Variants in VOPP1 observed in about 807,000 individuals in gnomAD.
VOPP1 encodes the protein VOPP1 WW domain binding protein.
A neutral mutation model predicts 23.5 loss-of-function variants in VOPP1; 8 were observed. The observed-to-expected ratio is 0.34, with a 90% CI of 0.20 to 0.61. The LOEUF is 0.61. Among genes scored for constraint, VOPP1 ranks in the 20% least tolerant of loss-of-function variants. VOPP1 has a pLI of 0.78. For synonymous variants in VOPP1, 83 were observed against 97.3 expected (o/e 0.85, Z 0.86); for missense variants, 174 against 238.1 (o/e 0.73, Z 1.77).
At chr7:55,540,303 C>G (rs908477649) in intron 1 of VOPP1, among the ~76,000 whole-genome samples, 3 of 151,850 alleles carry the variant, frequency 2.0e-5, no homozygotes, top group Admixed American at 6.6e-5. Context: ...GAGACTGAGG[C>G]AGGAGAATCA....
At chr7:55,538,344 G>A (rs1011121628) in intron 1 of VOPP1, among the ~76,000 whole-genome samples, 9 of 152,180 alleles carry the variant, frequency 5.9e-5, no homozygotes, top group Non-Finnish European at 1.5e-5. Flanking sequence ...AGTCCTTCCA[G>A]TCTGCAAAGC....
intron 1 of VOPP1, among the ~76,000 whole-genome samples, chr7:55,530,403 A>C (rs2129046290): frequency 6.6e-6 from 1 of 152,302 alleles, no homozygotes; most frequent in Middle Eastern, 3.4e-3. Context: ...CCATACATGG[A>C]ATGCCTGTGA....
At chr7:55,475,837 C>A (rs1261489800) in intron 4 of VOPP1, among the ~76,000 whole-genome samples, 1 of 152,236 alleles carries the variant, frequency 6.6e-6, no homozygotes, top group Non-Finnish European at 1.5e-5. Flanking sequence ...ATCAGGCCAG[C>A]CTGTGCCGTG....
chr7:55,560,030 G>T (rs577315879), intron 1 of VOPP1, among the ~76,000 whole-genome samples: 68 of 152,350 alleles, frequency 4.5e-4, no homozygotes, highest in African/African-American at 1.6e-3. Flanking sequence ...GCGCACGCCT[G>T]TAGTCCCCGC....
chr7:55,538,537 CCACAGTCCAACTGAGGAT>C (rs1796942869), intron 1 of VOPP1: 11 of 1,374,760 alleles, frequency 8.0e-6, no homozygotes, highest in Middle Eastern at 1.8e-4. Context: ...ACTGAGGATT[CCACAGTCCAACTGAGGAT>C]CACTGTAAAC....
At chr7:55,477,325 C>A (rs1238896443) in intron 4 of VOPP1, among the ~76,000 whole-genome samples, 2 of 152,222 alleles carry the variant, frequency 1.3e-5, no homozygotes, top group South Asian at 4.1e-4. Context: ...ATGTGGCAGA[C>A]GTTCCATAAA....
chr7:55,484,297 C>G (rs1321671951), intron 4 of VOPP1, among the ~76,000 whole-genome samples: 1 of 152,210 alleles, frequency 6.6e-6, no homozygotes, highest in Non-Finnish European at 1.5e-5. Flanking sequence ...CAGGAACTGT[C>G]AAACACATCA....
intron 4 of VOPP1, among the ~76,000 whole-genome samples, chr7:55,458,389 CT>C (rs1173977363): frequency 6.6e-6 from 1 of 151,952 alleles, no homozygotes; most frequent in Non-Finnish European, 1.5e-5. Flanking sequence ...CTCAGGGTTG[CT>C]TTGGCTATTC....
intron 1 of VOPP1, among the ~76,000 whole-genome samples, chr7:55,529,904 T>C (rs1796403011): frequency 1.3e-5 from 2 of 152,270 alleles, no homozygotes; most frequent in South Asian, 4.1e-4. Context: ...CTTTCTAGTG[T>C]TGAACAATAT....
chr7:55,530,069 C>T (rs564668527), intron 1 of VOPP1, among the ~76,000 whole-genome samples: 70 of 152,184 alleles, frequency 4.6e-4, no homozygotes, highest in Middle Eastern at 3.4e-3. Flanking sequence ...TGGGTACATA[C>T]TAAGAAAAGT....
chr7:55,518,387 G>A (rs531390707), intron 2 of VOPP1, among the ~76,000 whole-genome samples: 2 of 152,312 alleles, frequency 1.3e-5, no homozygotes, highest in Admixed American at 6.5e-5. Context: ...AACTCTGCAC[G>A]AACATGATTG....
chr7:55,480,387 T>A lies in VOPP1; in HGVS notation c.329-7342A>T, dbSNP rs137939315. On this transcript the variant is annotated intron_variant, in intron 4 of 4. Transcript: ENST00000285279. ...AATTCATGAATACTTCCTTGTGATT[T>A]TCAACTCCTTTGAATCTGTAGTGTT... 6.6e-5 allele frequency among the ~76,000 whole-genome samples: 10 copies of A among 152,354 alleles called. No individual in the cohort carries two copies. In the South Asian group the frequency reaches 1.9e-3, roughly 28 times the overall value.
intron 4 of VOPP1, among the ~76,000 whole-genome samples, chr7:55,444,126 G>A (rs1157191562): frequency 1.6e-4 from 24 of 152,016 alleles, no homozygotes; most frequent in Admixed American, 1.4e-3. Flanking sequence ...TGCCGTACCC[G>A]GCCGTAACTT....
intron 4 of VOPP1, among the ~76,000 whole-genome samples, chr7:55,489,001 G>A (rs76121876): frequency 0.021 from 3,204 of 152,348 alleles, 111 homozygotes; most frequent in African/African-American, 0.073. Context: ...CCATGCCACA[G>A]ATAGTCTGGG....
chr7:55,469,283 G>T (rs1183014214), downstream of VOPP1, among the ~76,000 whole-genome samples: 1 of 152,050 alleles, frequency 6.6e-6, no homozygotes, highest in African/African-American at 2.4e-5. Flanking sequence ...TTCCTAGGAG[G>T]CTCCTCAGGC....
In VOPP1 at chr7:55,441,727, C is replaced by T. The variant is rs574653927; in HGVS notation, n.418-5553G>A. On this transcript the variant is annotated intron_variant and non_coding_transcript_variant, in intron 4 of 4. Coordinates refer to the VOPP1 transcript ENST00000462326. ...AGTAGCGCACCCCCACCCTCACCCC[C>T]CAGGTCATTGGTTCTTTCTGCCAGA... Among the ~76,000 whole-genome samples the T allele has an allele frequency of 2.0e-5, 3 of 152,264 alleles. No individual in the cohort carries two copies. In the South Asian group the frequency reaches 6.2e-4, roughly 32 times the overall value.
intron 1 of VOPP1, among the ~76,000 whole-genome samples, chr7:55,557,608 T>G (rs1434947456): frequency 6.6e-6 from 1 of 151,914 alleles, no homozygotes; most frequent in Admixed American, 6.6e-5. Flanking sequence ...CCAAAATGAG[T>G]GCCCCATTAG....
intron 1 of VOPP1, among the ~76,000 whole-genome samples, chr7:55,553,097 A>C (rs1797677663): frequency 2.0e-5 from 3 of 152,224 alleles, no homozygotes; most frequent in Non-Finnish European, 4.4e-5. Flanking sequence ...AATCTTCCTA[A>C]AATAAACTTG....
At chr7:55,514,373 T>C (rs1378202905) in intron 2 of VOPP1, among the ~76,000 whole-genome samples, 1 of 151,816 alleles carries the variant, frequency 6.6e-6, no homozygotes, top group Non-Finnish European at 1.5e-5. Flanking sequence ...CCCAGAGAGG[T>C]TGGACATTTG....
Sources: allele counts gnomAD v4.1 joint callset (sites outside exome capture counted in the v4.1 genomes callset), GRCh38; gene constraint gnomAD v4.1.1; transcripts MANE v1.5; gene names NCBI Gene and HGNC (gene_info 2026-07-23, HGNC 2026-07-21).